RCHY1: variants seen among roughly 807,000 people sequenced by gnomAD.
The protein encoded by RCHY1 is RING finger and CHY zinc finger domain-containing protein 1.
In RCHY1, 21 loss-of-function variants were observed where a neutral mutation model predicts 41.6. The ratio of observed to expected loss-of-function variants is 0.51; its 90% CI spans 0.36 to 0.73. The LOEUF is 0.73. Among genes scored for constraint, RCHY1 ranks in the 30% least tolerant of loss-of-function variants. The probability of loss-of-function intolerance (pLI) is 0.00; values close to 1 mark genes in which losing one functional copy is unlikely to be tolerated. For synonymous variants in RCHY1, 79 were observed against 102.9 expected (o/e 0.77, Z 1.41); for missense variants, 265 against 325.3 (o/e 0.81, Z 1.43).
chr4:75,514,313 C>G lies in RCHY1; in HGVS notation c.-27G>C, dbSNP rs1369411798. ...TCCTCCACCTCCCCTCACATTCCAC[C>G]GATCCTTCCCCCAGGATAAAAACCA... On this transcript the variant is annotated 5_prime_UTR_variant, in exon 1 of 9. Transcript: ENST00000324439. The G allele has an allele frequency of 1.2e-6, 2 of 1,600,394 alleles. No homozygotes were observed. The highest frequency in any genetic ancestry group is 1.1e-5 in the South Asian group (1 of 90,544).
chr4:75,509,337 A>C, intron 1 of RCHY1, 41 bp from the exon 2 acceptor site: 1 of 1,592,006 alleles, frequency 6.3e-7, no homozygotes, highest in East Asian at 2.2e-5. Context: ...TAAGAAGCAA[A>C]AGAAACTAAG....
In RCHY1 at chr4:75,490,585, A is replaced by G; in HGVS notation, c.653T>C (p.Val218Ala). The G allele has an allele frequency of 6.2e-7, 1 of 1,610,606 alleles. No homozygotes were observed. The highest frequency in any genetic ancestry group is 8.5e-7 in the Non-Finnish European group (1 of 1,178,292). Residue 218 changes from valine to alanine, a missense_variant, in exon 8 of 9, where the codon GTG becomes GCG. Val to Ala is a moderately conservative substitution (Grantham distance 64). Coordinates refer to ENST00000324439, the MANE Select transcript of RCHY1 (RefSeq NM_015436.4). Reference sequence around the variant, plus strand: ...TTAAGTATTGATTCTACTCACATCCACAGTCATGTTCTGATATTCTGATGG... The same window carrying G: ...TTAAGTATTGATTCTACTCACATCCGCAGTCATGTTCTGATATTCTGATGG... ...PMPSEYQNMT[V>A]DILCNDCNGR...
At chr4:75,496,382 A>G (rs1199909804) in intron 3 of RCHY1, among the ~76,000 whole-genome samples, 1 of 152,122 alleles carries the variant, frequency 6.6e-6, no homozygotes, top group African/African-American at 2.4e-5. Flanking sequence ...GAGACAGTCT[A>G]GAGAAACCAA....
At chr4:75,504,996 G>A (rs528462215) in intron 3 of RCHY1, among the ~76,000 whole-genome samples, 63 of 152,260 alleles carry the variant, frequency 4.1e-4, no homozygotes, top group African/African-American at 1.5e-3. Context: ...TGCACCTACT[G>A]TATATACGGC....
chr4:75,509,340 A>C (rs904538788), intron 1 of RCHY1, 44 bp from the exon 2 acceptor site: 2 of 1,589,558 alleles, frequency 1.3e-6, no homozygotes, highest in Non-Finnish European at 1.7e-6. Context: ...GAAGCAAAAG[A>C]AACTAAGTGT....
intron 3 of RCHY1, among the ~76,000 whole-genome samples, chr4:75,504,001 T>C (rs1724056440): frequency 6.6e-6 from 1 of 152,242 alleles, no homozygotes; most frequent in Admixed American, 6.5e-5. Flanking sequence ...AAGGTCGTCT[T>C]TTCTTCAACC....
At chr4:75,512,950 C>T (rs1054226131) in intron 1 of RCHY1, among the ~76,000 whole-genome samples, 3 of 145,342 alleles carry the variant, frequency 2.1e-5, no homozygotes, top group African/African-American at 5.1e-5. Flanking sequence ...ACACCTAGGG[C>T]GAAGTATCTT....
At chr4:75,491,844 A>G (rs1199370501) in intron 5 of RCHY1, 45 bp downstream of exon 5, 2 of 1,603,688 alleles carry the variant, frequency 1.2e-6, no homozygotes, top group Non-Finnish European at 1.7e-6. Flanking sequence ...AGTATTTTAA[A>G]TTCAAGAGCT....
intron 3 of RCHY1, among the ~76,000 whole-genome samples, chr4:75,506,358 A>T (rs1309172964): frequency 6.6e-6 from 1 of 152,028 alleles, no homozygotes; most frequent in Non-Finnish European, 1.5e-5. Context: ...AAAAAACAGA[A>T]AACAAAATTT....
At chr4:75,502,978 A>G (rs1292843085) in intron 3 of RCHY1, among the ~76,000 whole-genome samples, 4 of 145,588 alleles carry the variant, frequency 2.7e-5, no homozygotes, top group Admixed American at 2.7e-4. Flanking sequence ...TCACAAATAG[A>G]AAAAAAAAAA....
At chr4:75,509,498 A>G (rs1166719749) in intron 1 of RCHY1, 2 of 498,560 alleles carry the variant, frequency 4.0e-6, no homozygotes, top group African/African-American at 3.8e-5. Context: ...CAACATCACT[A>G]CGTCTGTATG....
chr4:75,487,348 TTTTAA>T (rs1215750925), intron 8 of RCHY1, among the ~76,000 whole-genome samples: 8 of 150,464 alleles, frequency 5.3e-5, no homozygotes, highest in African/African-American at 1.9e-4. Context: ...GTCTCAGGAC[TTTTAA>T]TTGTTTAGAA....
At chr4:75,486,150 T>A (rs958719732) in intron 8 of RCHY1, among the ~76,000 whole-genome samples, 2 of 152,192 alleles carry the variant, frequency 1.3e-5, no homozygotes, top group Non-Finnish European at 2.9e-5. Flanking sequence ...CTCTGTCTTC[T>A]GTTCAAAGCT....
chr4:75,501,255 C>T (rs1311706314), intron 3 of RCHY1, among the ~76,000 whole-genome samples: 3 of 152,142 alleles, frequency 2.0e-5, no homozygotes, highest in Non-Finnish European at 4.4e-5. Flanking sequence ...GTGATCTGCC[C>T]GCCTTGGCCT....
intron 8 of RCHY1, among the ~76,000 whole-genome samples, chr4:75,485,416 C>T (rs1721908365): frequency 6.6e-6 from 1 of 152,150 alleles, no homozygotes; most frequent in Non-Finnish European, 1.5e-5. Flanking sequence ...CAATTTATAT[C>T]TATAAAGGAA....
At chr4:75,495,780 T>C (rs1723146445) in intron 3 of RCHY1, among the ~76,000 whole-genome samples, 1 of 152,052 alleles carries the variant, frequency 6.6e-6, no homozygotes, top group African/African-American at 2.4e-5. Flanking sequence ...CTCTAATGAA[T>C]ACAGTTTGAA....
chr4:75,502,412 C>T (rs959885194), intron 3 of RCHY1, among the ~76,000 whole-genome samples: 3 of 151,294 alleles, frequency 2.0e-5, no homozygotes, highest in African/African-American at 7.3e-5. Context: ...TAGTGGCGGG[C>T]GCCTGTAGTC....
rs565750607 is a variant in RCHY1 at position 75,483,896 on chromosome 4, T to C, written c.658-1230A>G. On this transcript the variant is annotated intron_variant, in intron 8 of 8. Transcript: ENST00000324439. ...AGGCTTTCCCATTCTAATCTAAAAC[T>C]CAATACCATGTATGGCTGAGAAGAG... is the stretch of plus-strand genomic sequence containing the variant. Among the ~76,000 whole-genome samples the C allele has an allele frequency of 2.6e-5, 4 of 152,220 alleles. No homozygotes were observed. The East Asian group carries it at 7.7e-4, about 29-fold the overall frequency.
chr4:75,513,423 C>A (rs1372074230), intron 1 of RCHY1, among the ~76,000 whole-genome samples: 1 of 152,104 alleles, frequency 6.6e-6, no homozygotes, highest in Non-Finnish European at 1.5e-5. Flanking sequence ...ATGAAACAGG[C>A]GCGATCATCT....
Sources: allele counts gnomAD v4.1 joint callset (sites outside exome capture counted in the v4.1 genomes callset), GRCh38; gene constraint gnomAD v4.1.1; transcripts MANE v1.5; gene names NCBI Gene and HGNC (gene_info 2026-07-23, HGNC 2026-07-21).